HHATL: variants seen among roughly 807,000 people sequenced by gnomAD.
HHATL encodes the protein hedgehog acyltransferase like.
A neutral mutation model predicts 59.7 loss-of-function variants in HHATL; 49 were observed. The observed-to-expected ratio is 0.82, with a 90% CI of 0.65 to 1.04. The LOEUF (loss-of-function observed/expected upper bound fraction) is 1.04, where lower values mean the gene tolerates loss of function less well. Among genes scored for constraint, HHATL ranks in the 50% least tolerant of loss-of-function variants. The pLI, the probability that HHATL is intolerant of heterozygous loss-of-function variation, is 0.00. For missense variants in HHATL, 605 were observed against 650.8 expected (o/e 0.93, Z 0.77); for synonymous variants, 238 against 257.3 (o/e 0.93, Z 0.72).
At chr3:42,693,898 G>A (rs573265892) in intron 9 of HHATL, 80 bp from the exon 10 acceptor site, 56 of 1,199,864 alleles carry the variant, frequency 4.7e-5, no homozygotes, top group Non-Finnish European at 6.0e-5. Flanking sequence ...ACAACAGGGC[G>A]TCCTCCTCAA....
intron 7 of HHATL, 79 bp from the exon 8 acceptor site, chr3:42,697,224 C>A: frequency 1.4e-6 from 2 of 1,476,924 alleles, no homozygotes; most frequent in Non-Finnish European, 1.8e-6. Flanking sequence ...CCACCACTTC[C>A]TTGGGGAGAC....
chr3:42,699,914 G>T, intron 2 of HHATL, 89 bp from the exon 3 acceptor site: 2 of 1,073,744 alleles, frequency 1.9e-6, no homozygotes, highest in Non-Finnish European at 2.8e-6. Flanking sequence ...ACCCTGGGGA[G>T]CGAGGGCATC....
intron 9 of HHATL, 44 bp from the exon 10 acceptor site, chr3:42,693,862 G>C (rs752965676): frequency 2.0e-6 from 3 of 1,535,684 alleles, no homozygotes; most frequent in Admixed American, 3.3e-5. Flanking sequence ...TGTGGGAAAG[G>C]GCAGGGATGA....
chr3:42,700,437 C>T (rs983166657), intron 2 of HHATL, among the ~76,000 whole-genome samples: 1 of 135,026 alleles, frequency 7.4e-6, no homozygotes, highest in Admixed American at 7.2e-5. Context: ...TGTCTGGGTC[C>T]AGGCCTCTGT....
At chr3:42,697,283 G>C in intron 7 of HHATL, 138 bp from the exon 8 acceptor site, 1 of 1,203,268 alleles carries the variant, frequency 8.3e-7, no homozygotes, top group Non-Finnish European at 1.1e-6. Flanking sequence ...GTGGAAATCA[G>C]TCATGCCTGG....
At chr3:42,695,828 C>T (rs961932646) in intron 9 of HHATL, among the ~76,000 whole-genome samples, 1 of 151,878 alleles carries the variant, frequency 6.6e-6, no homozygotes, top group African/African-American at 2.4e-5. Context: ...AACTAGACAC[C>T]CTCACCTCCT....
chr3:42,697,673 G>T lies in HHATL; in HGVS notation c.700C>A (p.Gln234Lys), dbSNP rs1697694784. 2 of 1,613,250 alleles carry T rather than the reference G, an allele frequency of 1.2e-6. No homozygotes were observed. The highest frequency in any genetic ancestry group is 1.7e-6 in the Non-Finnish European group (2 of 1,179,490). Residue 234 changes from glutamine to lysine, a missense_variant, in exon 7 of 12, where the codon CAG becomes AAG. Physicochemically the swap from Gln to Lys is moderately conservative, Grantham distance 53 (BLOSUM62 1). Transcript: ENST00000441594. ...TFDRFHAQVS[Q>K]VEPVRREGEL... ...CCCTCGCGTCTCACTGGCTCCACCT[G>T]GCTCACCTGGGGGGATGCGAAGGGT...
Position 42,698,201 on chromosome 3 carries a change from AGTT to A in HHATL, c.631_633del (p.Asn211del). On this transcript the variant is annotated inframe_deletion, in exon 6 of 12. Transcript: ENST00000441594. Reference sequence around the variant, plus strand: ...CCGAAGAAGAAGAAGGGCAGGTAGAAGTTGTACTTGAGCAGGTCAGCTAAGGAG... The same window carrying A: ...CCGAAGAAGAAGAAGGGCAGGTAGAAGTACTTGAGCAGGTCAGCTAAGGAG... 1 of 1,614,214 alleles carries A rather than the reference AGTT, an allele frequency of 6.2e-7. No individual in the cohort carries two copies. The highest frequency in any genetic ancestry group is 8.5e-7 in the Non-Finnish European group (1 of 1,180,034).
At chr3:42,700,149 T>G in intron 2 of HHATL, among the ~76,000 whole-genome samples, 1 of 147,828 alleles carries the variant, frequency 6.8e-6, no homozygotes, top group Admixed American at 6.7e-5. Context: ...TGTGTGTGTG[T>G]CTGGGTCCAG....
intron 9 of HHATL, among the ~76,000 whole-genome samples, chr3:42,694,590 T>G (rs1697518732): frequency 6.6e-6 from 1 of 152,216 alleles, no homozygotes; most frequent in Non-Finnish European, 1.5e-5. Context: ...AGATCCCAAG[T>G]GGTCTGGTTT....
chr3:42,695,548 G>A (rs907940274), intron 9 of HHATL, among the ~76,000 whole-genome samples: 6 of 152,162 alleles, frequency 3.9e-5, no homozygotes, highest in Non-Finnish European at 1.5e-5. Context: ...TGCTCTGCAA[G>A]GGCCACTGTA....
chr3:42,698,350 C>T lies in HHATL; in HGVS notation c.485G>A (p.Ser162Asn), dbSNP rs1441179285. ...FKMDPLISWQ[S>N]GFVTGTFDLQ... The stretch of plus-strand genomic sequence containing the variant: ...ATCAAAAGTGCCTGTTACAAACCCG[C>T]TCTGGAGGGGGAAAGAACAGGCCAC... The change falls in exon 6 of 12, where the codon AGC (serine) becomes AAC (asparagine). Residue 162 changes from serine (S) to asparagine (N), a missense_variant and splice_region_variant. Transcript: ENST00000441594. 1 of 1,609,566 alleles carries T rather than the reference C, an allele frequency of 6.2e-7. No homozygotes were observed.
Position 42,696,415 on chromosome 3 carries a change from C to A in HHATL, c.1046+427G>T, listed in dbSNP as rs1375068889. Reference sequence around the variant, plus strand: ...TCTGAGTTCCATCAGTCCTCTGGACCCTCAGAAACCCAGACCCTCAGACCC... The same window carrying A: ...TCTGAGTTCCATCAGTCCTCTGGACACTCAGAAACCCAGACCCTCAGACCC... On this transcript the variant is annotated intron_variant, in intron 9 of 11. Coordinates refer to ENST00000441594, the MANE Select transcript of HHATL (RefSeq NM_020707.4). 2.0e-5 allele frequency among the ~76,000 whole-genome samples: 3 copies of A among 152,144 alleles called. No individual in the cohort carries two copies. The East Asian group carries it at 5.8e-4, about 29-fold the overall frequency.
rs758309365 is a variant in HHATL, at chr3:42,692,885, G to A, written c.1391-10C>T. ...GTGGTCTGGGGGAACCCTGTGTGGG[G>A]AGGGAGTCATAGATGCTCAGGAGCA... On this transcript the variant is annotated splice_polypyrimidine_tract_variant and intron_variant, in intron 11 of 11. Transcript: ENST00000441594. The A allele has an allele frequency of 6.2e-7, 1 of 1,613,690 alleles. No individual in the cohort carries two copies.
Position 42,698,289 on chromosome 3 carries a change from G to A in HHATL, c.546C>T (p.Phe182=). ...QEVLFHGGSS[F]TVLRCTSFAL... ...CAAAGCTGGTGCAACGCAGCACTGTGAAGCTGCTGCCCCCATGAAACAGCA... is the reference window on the plus strand; with the variant it reads ...CAAAGCTGGTGCAACGCAGCACTGTAAAGCTGCTGCCCCCATGAAACAGCA... The change falls in exon 6 of 12, where the codon TTC becomes TTT. Residue 182 remains phenylalanine (F), a synonymous_variant. Transcript: ENST00000441594. 6.2e-7 allele frequency: 1 copy of A among 1,614,072 alleles called. No homozygotes were observed. The highest frequency in any genetic ancestry group is 1.1e-5 in the South Asian group (1 of 91,080).
Position 42,700,734 on chromosome 3 carries a change from A to G in HHATL, c.93T>C (p.Leu31=). 6.2e-7 allele frequency: 1 copy of G among 1,612,738 alleles called. No homozygotes were observed. The highest frequency in any genetic ancestry group is 8.5e-7 in the Non-Finnish European group (1 of 1,178,962). The change falls in exon 2 of 12, where the codon CTT becomes CTC. Residue 31 remains leucine, a synonymous_variant. Coordinates refer to ENST00000441594, the MANE Select transcript of HHATL (RefSeq NM_020707.4). ...GALAYAGRGL[L]EASQDGAHRK... Reference sequence around the variant, plus strand: ...CACAGCCATTACCTTGTGAAGCCTCAAGGAGGCCCCGGCCAGCATAGGCCA... The same window carrying G: ...CACAGCCATTACCTTGTGAAGCCTCGAGGAGGCCCCGGCCAGCATAGGCCA...
Position 42,699,087 on chromosome 3 carries a change from A to C in HHATL, c.233T>G (p.Phe78Cys). 6.2e-7 allele frequency: 1 copy of C among 1,614,122 alleles called. No homozygotes were observed. The highest frequency in any genetic ancestry group is 8.5e-7 in the Non-Finnish European group (1 of 1,180,028). The change falls in exon 4 of 12, where the codon TTT becomes TGT. Residue 78 changes from phenylalanine (F) to cysteine (C), a missense_variant. Transcript: ENST00000441594. ...WFTSFRNVIIFALSGHVLFAK... is the reference protein window; with the variant it reads ...WFTSFRNVIICALSGHVLFAK... ...AAACAGCACATGTCCGGAGAGGGCA[A>C]AGATGATGACGTTGCGAAAGGAGGT...
Position 42,699,831 on chromosome 3 carries a change from AAC to A in HHATL, c.107-8_107-7del. 1 of 1,557,618 alleles carries A rather than the reference AAC, an allele frequency of 6.4e-7. No homozygotes were observed. The highest frequency in any genetic ancestry group is 2.4e-5 in the East Asian group (1 of 41,458). ...GGCCTTCCTGTGGGCCCCATCTGAG[AAC>A]AGAGTGTGGCCTCAGGGAGAGGGGC... On this transcript the variant is annotated splice_region_variant and splice_polypyrimidine_tract_variant and intron_variant, in intron 2 of 11. Transcript: ENST00000441594.
At chr3:42,694,791 C>T (rs1697533672) in intron 9 of HHATL, among the ~76,000 whole-genome samples, 1 of 152,228 alleles carries the variant, frequency 6.6e-6, no homozygotes, top group Non-Finnish European at 1.5e-5. Flanking sequence ...ATATCATCTC[C>T]TCAGAGAAGC....
Sources: gnomAD v4.1 joint callset for allele counts (sites outside exome capture counted in the v4.1 genomes callset) on GRCh38, gnomAD v4.1.1 for gene constraint, MANE v1.5 for transcripts, NCBI Gene and HGNC (gene_info 2026-07-23, HGNC 2026-07-21) for gene names.